ASIC2: variants seen among roughly 807,000 people sequenced by gnomAD.
ASIC2 encodes the protein acid sensing ion channel subunit 2.
ASIC2 carries 25 observed loss-of-function variants against 57.3 expected under a neutral mutation model. The ratio of observed to expected loss-of-function variants is 0.44; its 90% CI spans 0.32 to 0.61. The LOEUF (loss-of-function observed/expected upper bound fraction) is 0.61. Among genes scored for constraint, ASIC2 ranks in the 20% least tolerant of loss-of-function variants. The pLI, the probability that ASIC2 is intolerant of heterozygous loss-of-function variation, is 0.06. For missense variants in ASIC2, 641 were observed against 738.1 expected, an observed-to-expected ratio of 0.87 and a Z score of 1.52; for synonymous variants, 319 against 307.5, an observed-to-expected ratio of 1.04 and a Z score of -0.39.
intron 7 of ASIC2, among the ~76,000 whole-genome samples, chr17:33,018,443 G>C (rs1486131731): frequency 6.6e-6 from 1 of 152,220 alleles, no homozygotes; most frequent in African/African-American, 2.4e-5. Flanking sequence ...CAGAGTTTGA[G>C]AACCACTCTC....
chr17:33,413,778 C>A (rs1406644189), intron 1 of ASIC2, among the ~76,000 whole-genome samples: 1 of 152,232 alleles, frequency 6.6e-6, no homozygotes, highest in Non-Finnish European at 1.5e-5. Flanking sequence ...ACTTCTATGA[C>A]CCCCTGAGAC....
At chr17:33,278,934 C>T (rs183528630) in intron 1 of ASIC2, among the ~76,000 whole-genome samples, 2 of 151,858 alleles carry the variant, frequency 1.3e-5, no homozygotes, top group Admixed American at 1.3e-4. Context: ...ACTCAATGCA[C>T]GGGATTGCAA....
chr17:33,723,952 CA>C (rs992385845), intron 1 of ASIC2, among the ~76,000 whole-genome samples: 1 of 152,134 alleles, frequency 6.6e-6, no homozygotes, highest in Non-Finnish European at 1.5e-5. Flanking sequence ...CAGGAATAGT[CA>C]GTGATGTGGT....
chr17:34,118,315 T>C (rs142441404), intron 1 of ASIC2: 3 of 152,346 alleles, frequency 2.0e-5, no homozygotes, highest in East Asian at 1.9e-4. Context: ...ATAATAATAA[T>C]TCATGAAAGA....
intron 1 of ASIC2, among the ~76,000 whole-genome samples, chr17:34,052,709 C>T (rs1386302309): frequency 1.3e-5 from 2 of 151,862 alleles, no homozygotes; most frequent in Admixed American, 1.3e-4. Flanking sequence ...CTCTGCCTCC[C>T]GGGTTCAAGC....
At chr17:33,482,725 C>T (rs1366528225) in intron 1 of ASIC2, among the ~76,000 whole-genome samples, 1 of 152,100 alleles carries the variant, frequency 6.6e-6, no homozygotes, top group Non-Finnish European at 1.5e-5. Context: ...CCAGCTGTGC[C>T]CTTGTTCTGC....
intron 1 of ASIC2, among the ~76,000 whole-genome samples, chr17:34,138,410 TGAG>T (rs1386894538): frequency 6.6e-6 from 1 of 152,128 alleles, no homozygotes; most frequent in Non-Finnish European, 1.5e-5. Flanking sequence ...CCACTCCCAC[TGAG>T]GAGGGTCTGC....
At chr17:33,115,205 C>T (rs998167724) in intron 1 of ASIC2, among the ~76,000 whole-genome samples, 2 of 152,148 alleles carry the variant, frequency 1.3e-5, no homozygotes, top group East Asian at 1.9e-4. Flanking sequence ...AGTTCACAAA[C>T]GTGCCAGGTG....
chr17:33,125,301 C>T (rs139933699), intron 1 of ASIC2, among the ~76,000 whole-genome samples: 10 of 152,184 alleles, frequency 6.6e-5, no homozygotes, highest in Non-Finnish European at 1.5e-4. Flanking sequence ...AGAGCATAGG[C>T]TTTGGAATCA....
At chr17:33,286,569 C>A (rs1202474231) in intron 1 of ASIC2, among the ~76,000 whole-genome samples, 1 of 152,196 alleles carries the variant, frequency 6.6e-6, no homozygotes, top group African/African-American at 2.4e-5. Flanking sequence ...GCCTAGAATG[C>A]ATGTGTTCAA....
chr17:33,316,520 T>A (rs1305373272), intron 1 of ASIC2, among the ~76,000 whole-genome samples: 1 of 152,196 alleles, frequency 6.6e-6, no homozygotes, highest in African/African-American at 2.4e-5. Flanking sequence ...ACTCCTGACC[T>A]CAAGTCATCC....
intron 1 of ASIC2, among the ~76,000 whole-genome samples, chr17:34,127,241 G>T (rs896521045): frequency 6.6e-6 from 1 of 152,194 alleles, no homozygotes. Flanking sequence ...TAGAAATGAG[G>T]ACTTCCTATC....
At chr17:33,250,816 A>G (rs540425505) in intron 1 of ASIC2, among the ~76,000 whole-genome samples, 116 of 152,314 alleles carry the variant, frequency 7.6e-4, no homozygotes, top group African/African-American at 2.7e-3. Flanking sequence ...TACAACTCTA[A>G]GGAACAGGCT....
At chr17:33,441,625 A>G (rs933949502) in intron 1 of ASIC2, among the ~76,000 whole-genome samples, 17 of 152,310 alleles carry the variant, frequency 1.1e-4, no homozygotes, top group African/African-American at 3.1e-4. Context: ...TCCTTCTCCC[A>G]TGAAGCAGGT....
At chr17:33,331,984 G>A (rs1597686493) in intron 1 of ASIC2, among the ~76,000 whole-genome samples, 1 of 152,208 alleles carries the variant, frequency 6.6e-6, no homozygotes, top group Non-Finnish European at 1.5e-5. Context: ...CTGAATCAGG[G>A]CCCCTGGGGC....
chr17:33,299,452 C>T (rs1497364), intron 1 of ASIC2, among the ~76,000 whole-genome samples: 29,274 of 152,038 alleles, frequency 0.19, 2,947 homozygotes, highest in East Asian at 0.38. Flanking sequence ...CCTTCCCTTC[C>T]TTCCACCATG....
chr17:33,240,015 G>A (rs1417309011), intron 1 of ASIC2, among the ~76,000 whole-genome samples: 1 of 152,186 alleles, frequency 6.6e-6, no homozygotes, highest in Non-Finnish European at 1.5e-5. Context: ...CTAGACTGTA[G>A]GATAAAAGTG....
intron 1 of ASIC2, among the ~76,000 whole-genome samples, chr17:33,309,932 A>T (rs1363098762): frequency 6.9e-6 from 1 of 144,950 alleles, no homozygotes. Context: ...CTAGAATGCC[A>T]TGACTCCTCC....
intron 1 of ASIC2, among the ~76,000 whole-genome samples, chr17:33,853,702 A>C (rs1465624306): frequency 6.6e-6 from 1 of 152,230 alleles, no homozygotes; most frequent in East Asian, 1.9e-4. Context: ...ATCTCTGGCT[A>C]AGTTCTCCAA....
Sources: allele counts gnomAD v4.1 joint callset (sites outside exome capture counted in the v4.1 genomes callset), GRCh38; gene constraint gnomAD v4.1.1; transcripts MANE v1.5; gene names NCBI Gene and HGNC (gene_info 2026-07-23, HGNC 2026-07-21).